KDM4C: variants seen among roughly 807,000 people sequenced by gnomAD.
KDM4C encodes the protein lysine-specific demethylase 4C.
KDM4C carries 81 observed loss-of-function variants against 129.3 expected under a neutral mutation model. That is an observed-to-expected ratio of 0.63 (90% CI 0.52 to 0.75). The LOEUF (loss-of-function observed/expected upper bound fraction) is 0.75. KDM4C is among the 30% of genes least tolerant of loss of function. The probability of loss-of-function intolerance (pLI) is 0.00; values close to 1 mark genes in which losing one functional copy is unlikely to be tolerated. For synonymous variants in KDM4C, 573 were observed against 456.1 expected (o/e 1.26, Z -3.26); for missense variants, 1,457 against 1,304.0 (o/e 1.12, Z -1.81).
In KDM4C at chr9:6,732,237, C is replaced by A. The variant is rs756168293; in HGVS notation, c.49+11240C>A. Among the ~76,000 whole-genome samples, 127 of 151,006 alleles carry A rather than the reference C, an allele frequency of 8.4e-4. 1 individual carries two copies. Among genetic ancestry groups the A allele is most frequent in the Non-Finnish European group, 1.5e-3 (103 of 67,682 alleles). On this transcript the variant is annotated intron_variant, in intron 1 of 17. Coordinates refer to the KDM4C transcript ENST00000536108. ...AAAATTAGCCGGGCGTGGTGGTGGG[C>A]GCCTGTAGTCCCAGCTACTCGGGAG...
intron 17 of KDM4C, among the ~76,000 whole-genome samples, chr9:7,060,627 G>T (rs1463667325): frequency 1.3e-5 from 2 of 151,888 alleles, no homozygotes; most frequent in Non-Finnish European, 2.9e-5. Flanking sequence ...GACTACAGGT[G>T]CATGCCACCA....
intron 19 of KDM4C, among the ~76,000 whole-genome samples, chr9:7,128,930 C>G (rs924493620): frequency 2.6e-5 from 4 of 152,106 alleles, no homozygotes; most frequent in Admixed American, 1.3e-4. Flanking sequence ...TCAGGGCTTG[C>G]TTTTTAGAAG....
intron 10 of KDM4C, among the ~76,000 whole-genome samples, chr9:6,985,834 G>A (rs1448001467): frequency 6.6e-6 from 1 of 152,100 alleles, no homozygotes; most frequent in Non-Finnish European, 1.5e-5. Flanking sequence ...GGGACTAAAG[G>A]TGTGCACCAC....
At chr9:7,171,010 A>G (rs1844907636) in intron 21 of KDM4C, 1 of 155,646 alleles carries the variant, frequency 6.4e-6, no homozygotes, top group Non-Finnish European at 1.4e-5. Context: ...CATCCTGGGT[A>G]GCATGCAGCC....
chr9:6,773,483 A>G (rs1398802407), intron 1 of KDM4C, among the ~76,000 whole-genome samples: 2 of 152,110 alleles, frequency 1.3e-5, no homozygotes, highest in Non-Finnish European at 2.9e-5. Context: ...TTGTATAGGT[A>G]TTCATAGGCC....
At chr9:7,031,197 CTG>C (rs1262120267) in intron 15 of KDM4C, among the ~76,000 whole-genome samples, 3 of 151,434 alleles carry the variant, frequency 2.0e-5, no homozygotes, top group Non-Finnish European at 4.4e-5. Context: ...GAGTCTGGCT[CTG>C]TTGCCCAGGC....
chr9:7,116,788 T>A (rs1055208205), intron 18 of KDM4C, among the ~76,000 whole-genome samples: 1 of 152,198 alleles, frequency 6.6e-6, no homozygotes, highest in African/African-American at 2.4e-5. Context: ...CAGAGAAACC[T>A]AGGAAGTTTG....
At chr9:6,794,899 A>G (rs1588311749) in intron 2 of KDM4C, among the ~76,000 whole-genome samples, 1 of 152,220 alleles carries the variant, frequency 6.6e-6, no homozygotes, top group African/African-American at 2.4e-5. Context: ...GATATAATTC[A>G]TCGTCCAACT....
At chr9:7,058,404 T>C (rs890567783) in intron 17 of KDM4C, among the ~76,000 whole-genome samples, 3 of 152,250 alleles carry the variant, frequency 2.0e-5, no homozygotes, top group African/African-American at 7.2e-5. Flanking sequence ...CCCTCATTTG[T>C]TGTGTTTGCA....
intron 1 of KDM4C, among the ~76,000 whole-genome samples, chr9:6,787,541 A>G (rs779406527): frequency 6.6e-6 from 1 of 152,226 alleles, no homozygotes; most frequent in Admixed American, 6.5e-5. Context: ...GCCCAGAGCC[A>G]TTCTTCTGTT....
intron 1 of KDM4C, among the ~76,000 whole-genome samples, chr9:6,741,434 A>G (rs998474053): frequency 6.6e-6 from 1 of 152,014 alleles, no homozygotes; most frequent in Non-Finnish European, 1.5e-5. Context: ...AGAGGAAAAG[A>G]ATATTCTATT....
intron 1 of KDM4C, chr9:6,735,098 G>A: frequency 2.5e-6 from 1 of 407,320 alleles, no homozygotes; most frequent in Non-Finnish European, 4.8e-6. Context: ...CCTATGCAAT[G>A]ACTGGGCAGT....
At chr9:6,751,506 C>G (rs10975819) in intron 1 of KDM4C, among the ~76,000 whole-genome samples, 24,951 of 152,030 alleles carry the variant, frequency 0.16, 2,143 homozygotes, top group East Asian at 0.2. Flanking sequence ...TAGCTGATCT[C>G]TTGATGGAAG....
intron 15 of KDM4C, among the ~76,000 whole-genome samples, chr9:7,024,109 T>G (rs1294829581): frequency 6.6e-6 from 1 of 152,178 alleles, no homozygotes; most frequent in Non-Finnish European, 1.5e-5. Flanking sequence ...TCCTGTGACC[T>G]TCGTATGAAA....
chr9:6,817,958 G>A (rs1041242034), intron 4 of KDM4C, among the ~76,000 whole-genome samples: 2 of 151,702 alleles, frequency 1.3e-5, no homozygotes, highest in African/African-American at 4.8e-5. Flanking sequence ...GTAGAGACGG[G>A]GTTTCACCAT....
intron 4 of KDM4C, among the ~76,000 whole-genome samples, chr9:6,825,146 CA>C (rs776343731): frequency 0.35 from 28,028 of 80,144 alleles, 2,165 homozygotes; most frequent in East Asian, 0.53. Flanking sequence ...AACTCGGTCT[CA>C]AAAAAAAAAA....
chr9:7,169,885 C>A lies in KDM4C; in HGVS notation c.2989C>A (p.Arg997=). 1 of 1,613,878 alleles carries A rather than the reference C, an allele frequency of 6.2e-7. No homozygotes were observed. ...AGAGTTACCCAAGAGAGTGAAAGCT[C>A]GATTTGTAAGTGCTGGCAGATGCCA... is the stretch of plus-strand genomic sequence containing the variant. ...DEELPKRVKA[R]FSTASDMRFE... Residue 997 remains arginine, a synonymous_variant, in exon 21 of 22, where the codon CGA becomes AGA. Transcript: ENST00000381309.
chr9:6,925,037 GGTGTAT>G (rs1822225169), intron 8 of KDM4C: 1 of 985,134 alleles, frequency 1.0e-6, no homozygotes, highest in Admixed American at 6.2e-5. Flanking sequence ...AAATGAACCA[GGTGTAT>G]AAGAATGAAC....
At chr9:7,082,655 A>G (rs1834670320) in intron 17 of KDM4C, among the ~76,000 whole-genome samples, 1 of 152,058 alleles carries the variant, frequency 6.6e-6, no homozygotes, top group Admixed American at 6.5e-5. Flanking sequence ...CTGACTTGAC[A>G]CTTCATCTCA....
Sources: gnomAD v4.1 joint callset for allele counts (sites outside exome capture counted in the v4.1 genomes callset) on GRCh38, gnomAD v4.1.1 for gene constraint, MANE v1.5 for transcripts, NCBI Gene and HGNC (gene_info 2026-07-23, HGNC 2026-07-21) for gene names.